The following CDK14 variants were observed in gnomAD, a reference collection of about 807,000 sequenced individuals.
The protein encoded by CDK14 is cyclin-dependent kinase 14.
A neutral mutation model predicts 60.7 loss-of-function variants in CDK14; 34 were observed. The observed-to-expected ratio is 0.56, with a 90% CI of 0.43 to 0.75. The LOEUF is 0.75. Among genes scored for constraint, CDK14 ranks in the 30% least tolerant of loss-of-function variants. The pLI is 0.00. For synonymous variants in CDK14, 197 were observed against 203.7 expected, an observed-to-expected ratio of 0.97 and a Z score of 0.28; for missense variants, 482 against 564.1, an observed-to-expected ratio of 0.85 and a Z score of 1.47.
intron 8 of CDK14, among the ~76,000 whole-genome samples, chr7:90,947,594 C>A (rs1000843130): frequency 1.5e-4 from 23 of 152,122 alleles, no homozygotes; most frequent in African/African-American, 5.3e-4. Context: ...TGTGCTTTGC[C>A]TCTGTGTAAT....
intron 5 of CDK14, among the ~76,000 whole-genome samples, chr7:90,795,441 A>G (rs937083838): frequency 4.0e-5 from 6 of 150,714 alleles, no homozygotes; most frequent in African/African-American, 1.5e-4. Flanking sequence ...TATTTTTTGT[A>G]TTAGTTACAT....
rs1176605480 is a variant in CDK14 at position 90,730,465 on chromosome 7, CCCA to C, written c.369+3657_369+3659del. 2.6e-5 allele frequency among the ~76,000 whole-genome samples: 4 copies of C among 152,296 alleles called. No homozygotes were observed. In the East Asian group the frequency reaches 5.8e-4, roughly 22 times the overall value. On this transcript the variant is annotated intron_variant, in intron 3 of 14. Coordinates refer to ENST00000380050, the MANE Select transcript of CDK14 (RefSeq NM_001287135.2). ...CACGATGATTGAACTAATTTACACT[CCCA>C]CCAATAGTGTAAAAGCATTCCTATT...
At chr7:90,632,243 AC>A in intron 2 of CDK14, 1 of 219,304 alleles carries the variant, frequency 4.6e-6, no homozygotes, top group Non-Finnish European at 9.4e-6. Flanking sequence ...GATGAGAAGA[AC>A]CACTGGGTGT....
chr7:91,179,939 A>T (rs1801940706), intron 14 of CDK14, among the ~76,000 whole-genome samples: 1 of 152,212 alleles, frequency 6.6e-6, no homozygotes, highest in Non-Finnish European at 1.5e-5. Context: ...TTTTAATCTT[A>T]TTAGGAATTT....
chr7:90,816,735 CA>C (rs1278081142), intron 5 of CDK14, among the ~76,000 whole-genome samples: 1 of 152,124 alleles, frequency 6.6e-6, no homozygotes, highest in Non-Finnish European at 1.5e-5. Context: ...TCAGACGTGG[CA>C]ACAGTTTTAG....
chr7:90,865,420 T>G (rs773298202), intron 6 of CDK14, among the ~76,000 whole-genome samples: 1 of 152,202 alleles, frequency 6.6e-6, no homozygotes, highest in African/African-American at 2.4e-5. Context: ...TTTGTAAATA[T>G]TTGGATATCT....
At chr7:90,872,691 A>G (rs1304342367) in intron 6 of CDK14, among the ~76,000 whole-genome samples, 1 of 87,584 alleles carries the variant, frequency 1.1e-5, no homozygotes, top group African/African-American at 4.0e-5. Flanking sequence ...TATCATCTCT[A>G]TATTCTAGTT....
chr7:90,777,622 G>C (rs150814433), intron 4 of CDK14, among the ~76,000 whole-genome samples: 1 of 152,210 alleles, frequency 6.6e-6, no homozygotes, highest in Admixed American at 6.5e-5. Context: ...TTGAGGACCT[G>C]TACCTTGTCA....
intron 5 of CDK14, among the ~76,000 whole-genome samples, chr7:90,825,923 T>C (rs1789706672): frequency 6.6e-6 from 1 of 152,204 alleles, no homozygotes; most frequent in Non-Finnish European, 1.5e-5. Context: ...AGTCAAAATT[T>C]CTAGCAGTTT....
chr7:90,935,739 G>A (rs745348802), intron 8 of CDK14, among the ~76,000 whole-genome samples: 3 of 151,866 alleles, frequency 2.0e-5, no homozygotes, highest in African/African-American at 4.8e-5. Context: ...TAAAATAGAC[G>A]TCACAGATAG....
Position 90,790,579 on chromosome 7 carries a change from T to C in CDK14, c.471T>C (p.Asn157=). 1 of 1,609,740 alleles carries C rather than the reference T, an allele frequency of 6.2e-7. No individual in the cohort carries two copies. The highest frequency in any genetic ancestry group is 8.5e-7 in the Non-Finnish European group (1 of 1,176,988). Residue 157 remains asparagine (N), a synonymous_variant, in exon 5 of 15, where the codon AAT becomes AAC. Transcript: ENST00000380050. ...ATVYKGKSKV[N]GKLVALKVIR... is the part of the protein sequence containing the mutation. Reference sequence around the variant, plus strand: ...TATCTTTCATTTCTCACAGGGTAAATGGGAAGTTGGTAGCTCTGAAGGTGA... The same window carrying C: ...TATCTTTCATTTCTCACAGGGTAAACGGGAAGTTGGTAGCTCTGAAGGTGA...
At chr7:91,141,370 G>A (rs562986710) in intron 14 of CDK14, among the ~76,000 whole-genome samples, 1 of 152,314 alleles carries the variant, frequency 6.6e-6, no homozygotes, top group South Asian at 2.1e-4. Context: ...CTCAGAAGGG[G>A]CAAGCATTAG....
intron 2 of CDK14, among the ~76,000 whole-genome samples, chr7:90,706,385 C>T (rs1174932115): frequency 6.6e-6 from 1 of 152,134 alleles, no homozygotes; most frequent in Non-Finnish European, 1.5e-5. Flanking sequence ...CATATGTCCA[C>T]AGAATTTGTT....
At chr7:91,112,489 T>C (rs1311184757) in intron 12 of CDK14, 53 bp from the exon 13 acceptor site, 2 of 1,565,560 alleles carry the variant, frequency 1.3e-6, no homozygotes, top group African/African-American at 1.4e-5. Flanking sequence ...TTATGTCTTA[T>C]TTAGTGGATT....
chr7:91,057,374 G>T (rs374791419), intron 11 of CDK14, among the ~76,000 whole-genome samples: 18,763 of 151,310 alleles, frequency 0.12, 2,335 homozygotes, highest in African/African-American at 0.32. Context: ...ACTCTGATGG[G>T]AGTTTCTTTT....
chr7:91,084,840 C>G (rs1054847766), intron 12 of CDK14, among the ~76,000 whole-genome samples: 1 of 152,218 alleles, frequency 6.6e-6, no homozygotes, highest in Non-Finnish European at 1.5e-5. Flanking sequence ...TCCAAAAGTG[C>G]ACGCTTACGA....
At chr7:90,960,312 C>T (rs1794563508) in intron 9 of CDK14, among the ~76,000 whole-genome samples, 1 of 152,136 alleles carries the variant, frequency 6.6e-6, no homozygotes, top group African/African-American at 2.4e-5. Flanking sequence ...TACTCCCCAA[C>T]ACCCCAACAG....
At chr7:90,670,552 A>G (rs1475392586) in intron 2 of CDK14, among the ~76,000 whole-genome samples, 2 of 152,166 alleles carry the variant, frequency 1.3e-5, no homozygotes, top group Non-Finnish European at 2.9e-5. Flanking sequence ...TGATGCCAGC[A>G]TCTCCTTGGC....
At chr7:91,173,115 T>C (rs1442200422) in intron 14 of CDK14, among the ~76,000 whole-genome samples, 1 of 152,210 alleles carries the variant, frequency 6.6e-6, no homozygotes, top group Non-Finnish European at 1.5e-5. Flanking sequence ...TGTCTTGAGC[T>C]GTGCAAACTT....
Sources: gnomAD v4.1 joint callset for allele counts (sites outside exome capture counted in the v4.1 genomes callset) on GRCh38, gnomAD v4.1.1 for gene constraint, MANE v1.5 for transcripts, NCBI Gene and HGNC (gene_info 2026-07-23, HGNC 2026-07-21) for gene names.